Variants in CENPP observed in about 807,000 individuals in gnomAD.
The protein encoded by CENPP is centromere protein P.
In CENPP, 24 loss-of-function variants were observed where a neutral mutation model predicts 35.6. The observed-to-expected ratio is 0.67, with a 90% confidence interval of 0.49 to 0.95. CENPP has a LOEUF of 0.95. Among genes scored for constraint, CENPP ranks in the 40% least tolerant of loss-of-function variants. CENPP has a pLI of 0.00. For missense variants in CENPP, 332 were observed against 345.3 expected (o/e 0.96, Z 0.31); for synonymous variants, 120 against 125.5 (o/e 0.96, Z 0.29).
At chr9:92,528,573 A>G (rs1349638105) in intron 5 of CENPP, among the ~76,000 whole-genome samples, 2 of 152,214 alleles carry the variant, frequency 1.3e-5, no homozygotes, top group African/African-American at 4.8e-5. Context: ...CAAAAAAAAC[A>G]GGTCTCTGGA....
At chr9:92,527,162 C>G (rs1848465516) in intron 5 of CENPP, among the ~76,000 whole-genome samples, 1 of 152,156 alleles carries the variant, frequency 6.6e-6, no homozygotes, top group Non-Finnish European at 1.5e-5. Context: ...ACCCGTGCCA[C>G]CATGCCCAGC....
chr9:92,616,293 G>A lies in CENPP; in HGVS notation c.*3144G>A, dbSNP rs1465895523. 10 of 470,140 alleles carry A rather than the reference G, an allele frequency of 2.1e-5. No homozygotes were observed. Among genetic ancestry groups the A allele is most frequent in the South Asian group, 9.2e-5 (4 of 43,562 alleles). The allele number at this position is 470,140 out of a possible 1,614,324, so 29.1% of individuals were successfully genotyped here. On this transcript the variant is annotated 3_prime_UTR_variant, in exon 8 of 8. Coordinates refer to ENST00000375587, the MANE Select transcript of CENPP (RefSeq NM_001012267.3). ...TGTGCGTGTGACAGCTGTCTGTGCCGGCTGTGTGCACCAGCGTGCAAAGCT... is the reference window on the plus strand; with the variant it reads ...TGTGCGTGTGACAGCTGTCTGTGCCAGCTGTGTGCACCAGCGTGCAAAGCT...
chr9:92,342,785 GT>G (rs1841163503), intron 3 of CENPP, among the ~76,000 whole-genome samples: 1 of 152,144 alleles, frequency 6.6e-6, no homozygotes, highest in South Asian at 2.1e-4. Flanking sequence ...TTTTTGAAAT[GT>G]TTATTACTTA....
intron 4 of CENPP, among the ~76,000 whole-genome samples, chr9:92,370,506 C>T (rs1201946167): frequency 6.6e-6 from 1 of 151,996 alleles, no homozygotes; most frequent in Non-Finnish European, 1.5e-5. Flanking sequence ...GAGATGGAGT[C>T]TCAGTCTGTC....
At chr9:92,431,598 A>C (rs1844110677) in intron 5 of CENPP, among the ~76,000 whole-genome samples, 1 of 151,920 alleles carries the variant, frequency 6.6e-6, no homozygotes, top group Admixed American at 6.6e-5. Context: ...TTTCCAAGAC[A>C]GAGTCTAGCT....
chr9:92,566,063 G>A (rs1229443853), intron 5 of CENPP, among the ~76,000 whole-genome samples: 1 of 152,134 alleles, frequency 6.6e-6, no homozygotes, highest in African/African-American at 2.4e-5. Context: ...AGCACTTTGG[G>A]AGGATGAGGC....
intron 5 of CENPP, among the ~76,000 whole-genome samples, chr9:92,440,379 A>C (rs576282331): frequency 2.0e-5 from 3 of 151,076 alleles, no homozygotes; most frequent in Non-Finnish European, 4.4e-5. Flanking sequence ...ATAAATAAAT[A>C]AATAAATCAC....
intron 5 of CENPP, among the ~76,000 whole-genome samples, chr9:92,445,747 G>T (rs1044297017): frequency 6.6e-6 from 1 of 152,050 alleles, no homozygotes; most frequent in Non-Finnish European, 1.5e-5. Context: ...AGCTGGGCGT[G>T]TTGGTAGACA....
intron 5 of CENPP, among the ~76,000 whole-genome samples, chr9:92,529,346 C>T (rs1333360149): frequency 6.6e-6 from 1 of 152,160 alleles, no homozygotes; most frequent in Non-Finnish European, 1.5e-5. Flanking sequence ...AAGTCTCATT[C>T]GGTGCTGGTG....
intron 5 of CENPP, among the ~76,000 whole-genome samples, chr9:92,410,149 G>A (rs941279472): frequency 3.3e-5 from 5 of 152,028 alleles, no homozygotes; most frequent in Non-Finnish European, 5.9e-5. Flanking sequence ...TGTTAGCCAG[G>A]GTGGTCTCAA....
intron 5 of CENPP, among the ~76,000 whole-genome samples, chr9:92,488,359 C>T (rs556448020): frequency 2.6e-5 from 4 of 152,162 alleles, no homozygotes; most frequent in Admixed American, 6.5e-5. Context: ...AAATATTTAC[C>T]GCCAAATTTA....
At chr9:92,601,613 A>G (rs1588309719) in intron 5 of CENPP, among the ~76,000 whole-genome samples, 2 of 152,226 alleles carry the variant, frequency 1.3e-5, no homozygotes. Flanking sequence ...GGCCCGGGAA[A>G]GTCTCAGTGT....
chr9:92,510,131 C>T, intron 5 of CENPP: 1 of 1,390,526 alleles, frequency 7.2e-7, no homozygotes, highest in Non-Finnish European at 9.6e-7. Flanking sequence ...ACAAACCTAT[C>T]CTTCCTTAGG....
At chr9:92,375,593 GC>G (rs1323958076) in intron 4 of CENPP, among the ~76,000 whole-genome samples, 1 of 152,110 alleles carries the variant, frequency 6.6e-6, no homozygotes, top group Non-Finnish European at 1.5e-5. Flanking sequence ...ACCGCGCCCG[GC>G]CATTTTTACT....
intron 4 of CENPP, among the ~76,000 whole-genome samples, chr9:92,346,478 C>T (rs1336935438): frequency 6.6e-6 from 1 of 152,086 alleles, no homozygotes; most frequent in Non-Finnish European, 1.5e-5. Flanking sequence ...AGGCAAGAGC[C>T]TAGGAGAATG....
At chr9:92,518,016 TGTC>T (rs2131223456) in intron 5 of CENPP, 2 of 990,404 alleles carry the variant, frequency 2.0e-6, no homozygotes, top group East Asian at 2.6e-5. Flanking sequence ...AGGGTAAAGA[TGTC>T]GTATAGACAT....
intron 5 of CENPP, chr9:92,495,689 T>C (rs1846310434): frequency 4.5e-6 from 4 of 888,812 alleles, no homozygotes; most frequent in Non-Finnish European, 4.0e-6. Context: ...CTTTCCTTAA[T>C]GTTAACAATG....
intron 5 of CENPP, among the ~76,000 whole-genome samples, chr9:92,489,208 G>A (rs1237948334): frequency 6.6e-6 from 1 of 152,174 alleles, no homozygotes; most frequent in East Asian, 1.9e-4. Context: ...ATCAAACATG[G>A]ACTAATTCAG....
At chr9:92,603,044 C>T (rs551675639) in intron 5 of CENPP, among the ~76,000 whole-genome samples, 23 of 152,320 alleles carry the variant, frequency 1.5e-4, no homozygotes, top group Non-Finnish European at 2.8e-4. Context: ...TCGCCTTGGC[C>T]TCCCAAAGTG....
Sources: allele counts gnomAD v4.1 joint callset (sites outside exome capture counted in the v4.1 genomes callset), GRCh38; gene constraint gnomAD v4.1.1; transcripts MANE v1.5; gene names NCBI Gene and HGNC (gene_info 2026-07-23, HGNC 2026-07-21).